The following C8orf34 variants were observed in gnomAD, a reference collection of about 807,000 sequenced individuals.
C8orf34 encodes the protein chromosome 8 open reading frame 34, also known as uncharacterized protein C8orf34.
C8orf34 carries 65 observed loss-of-function variants against 68.3 expected under a neutral mutation model. The ratio of observed to expected loss-of-function variants is 0.95; its 90% CI spans 0.78 to 1.17. The LOEUF is 1.17. Among genes scored for constraint, C8orf34 ranks in the 50% most tolerant of loss-of-function variants. The probability of loss-of-function intolerance (pLI) is 0.00; values close to 1 mark genes in which losing one functional copy is unlikely to be tolerated. For synonymous variants in C8orf34, 244 were observed against 241.2 expected, an observed-to-expected ratio of 1.01 and a Z score of -0.11; for missense variants, 664 against 655.4, an observed-to-expected ratio of 1.01 and a Z score of -0.14.
At chr8:68,794,086 G>C (rs1585893667) in intron 12 of C8orf34, among the ~76,000 whole-genome samples, 1 of 152,098 alleles carries the variant, frequency 6.6e-6, no homozygotes, top group African/African-American at 2.4e-5. Context: ...CATGCAGGTT[G>C]AGTATCTCTT....
intron 7 of C8orf34, chr8:68,625,483 T>C (rs892241088): frequency 1.7e-6 from 1 of 576,748 alleles, no homozygotes; most frequent in Non-Finnish European, 3.1e-6. Flanking sequence ...GAATTGAAAA[T>C]GGTCTTGTAA....
intron 5 of C8orf34, among the ~76,000 whole-genome samples, chr8:68,517,814 T>A (rs955891133): frequency 6.6e-6 from 1 of 152,220 alleles, no homozygotes; most frequent in African/African-American, 2.4e-5. Flanking sequence ...ACCATCTACT[T>A]TGAGCCTATA....
At chr8:68,657,578 A>G (rs62520963) in intron 8 of C8orf34, among the ~76,000 whole-genome samples, 20,876 of 152,242 alleles carry the variant, frequency 0.14, 2,180 homozygotes, top group East Asian at 0.53. Flanking sequence ...GCCTGAATGG[A>G]CTAAGACAGT....
intron 10 of C8orf34, among the ~76,000 whole-genome samples, chr8:68,752,414 C>T (rs1444192754): frequency 6.6e-6 from 1 of 152,196 alleles, no homozygotes; most frequent in African/African-American, 2.4e-5. Flanking sequence ...GGCGGTATGG[C>T]TCCCTGGCTG....
intron 12 of C8orf34, among the ~76,000 whole-genome samples, chr8:68,813,095 T>C (rs1376348732): frequency 6.6e-6 from 1 of 152,220 alleles, no homozygotes; most frequent in African/African-American, 2.4e-5. Context: ...ACTTGTAGCA[T>C]ATGGCGTTAT....
rs561179338 is a variant in C8orf34 at position 68,632,844 on chromosome 8, C to T, written c.1106-7532C>T. On this transcript the variant is annotated intron_variant, in intron 7 of 13. Coordinates refer to ENST00000518698, the MANE Select transcript of C8orf34 (RefSeq NM_052958.4). ...GTTGGGCCTGCTGCTGTGCAAAAGA[C>T]GAGAGTTCAGCTTTGGGAGCCTCCA... Among the ~76,000 whole-genome samples the T allele has an allele frequency of 2.2e-4, 34 of 152,234 alleles. No homozygotes were observed. The South Asian group carries it at 3.3e-3, about 15-fold the overall frequency.
rs1000881757 is a variant in C8orf34, at chr8:68,460,543, C to A, written c.608-8149C>A. On this transcript the variant is annotated intron_variant, in intron 3 of 13. Coordinates refer to ENST00000518698, the MANE Select transcript of C8orf34 (RefSeq NM_052958.4). ...AGCAGCCTAACTGGGAGGCACCCCCCAGTAGCGGCAGACTGACACCTCACA... is the reference window on the plus strand; with the variant it reads ...AGCAGCCTAACTGGGAGGCACCCCCAAGTAGCGGCAGACTGACACCTCACA... 2.6e-5 allele frequency among the ~76,000 whole-genome samples: 4 copies of A among 152,300 alleles called. No homozygotes were observed. The East Asian group carries it at 7.7e-4, about 29-fold the overall frequency.
intron 1 of C8orf34, among the ~76,000 whole-genome samples, chr8:68,337,975 T>C (rs927707246): frequency 1.3e-5 from 2 of 152,190 alleles, no homozygotes; most frequent in African/African-American, 4.8e-5. Flanking sequence ...AGAATTTCTT[T>C]ATTACAAATG....
chr8:68,641,309 C>T (rs535092251), intron 8 of C8orf34, among the ~76,000 whole-genome samples: 3 of 152,232 alleles, frequency 2.0e-5, no homozygotes, highest in African/African-American at 7.2e-5. Context: ...AAAATCAAAC[C>T]AGATTTTTGT....
At chr8:68,737,634 G>T (rs946150900) in intron 10 of C8orf34, among the ~76,000 whole-genome samples, 2 of 151,436 alleles carry the variant, frequency 1.3e-5, no homozygotes, top group African/African-American at 4.9e-5. Context: ...ACTTTCAGAC[G>T]AAACAAACTT....
intron 1 of C8orf34, among the ~76,000 whole-genome samples, chr8:68,362,705 A>G (rs1807060099): frequency 6.6e-6 from 1 of 152,144 alleles, no homozygotes; most frequent in South Asian, 2.1e-4. Context: ...AAGGAAAACT[A>G]ACAAACAGAA....
Position 68,454,062 on chromosome 8 carries a change from TATG to T in C8orf34, c.607+7606_607+7608del. 3.9e-5 allele frequency among the ~76,000 whole-genome samples: 6 copies of T among 152,168 alleles called. 1 individual carries two copies. Among genetic ancestry groups the T allele is most frequent in the Admixed American group, 3.9e-4 (6 of 15,288 alleles). ...GCAGTTTTTCTTATCATTCCGTTAATATGATGTGTTACATTTTATAATTTTCTT... is the reference window on the plus strand; with the variant it reads ...GCAGTTTTTCTTATCATTCCGTTAATATGTGTTACATTTTATAATTTTCTT... On this transcript the variant is annotated intron_variant, in intron 3 of 13. Transcript: ENST00000518698.
chr8:68,633,211 C>T (rs1287169118), intron 7 of C8orf34, among the ~76,000 whole-genome samples: 6 of 152,020 alleles, frequency 3.9e-5, no homozygotes, highest in African/African-American at 7.3e-5. Flanking sequence ...ACTTATGTGA[C>T]GAACTAGATA....
At chr8:68,620,459 G>A (rs1422810885) in intron 7 of C8orf34, among the ~76,000 whole-genome samples, 1 of 152,126 alleles carries the variant, frequency 6.6e-6, no homozygotes, top group Non-Finnish European at 1.5e-5. Context: ...GAGAAGAGCT[G>A]TATTACCAGA....
intron 11 of C8orf34, 58 bp from the exon 12 acceptor site, chr8:68,787,385 A>T (rs7826534): frequency 0.1 from 121,285 of 1,191,806 alleles, 8,741 homozygotes; most frequent in East Asian, 0.38. Context: ...GATTATCCAC[A>T]TTAATGTTCA....
chr8:68,728,834 T>C lies in C8orf34; in HGVS notation c.1404+7397T>C, dbSNP rs539519334. The stretch of plus-strand genomic sequence containing the variant: ...GTTTTGTTGATTAGTATATGCAACA[T>C]TCTGTTTATTGTTGCTGTAGGAACA... On this transcript the variant is annotated intron_variant, in intron 10 of 13. Transcript: ENST00000518698. Among the ~76,000 whole-genome samples, 19 of 152,304 alleles carry C rather than the reference T, an allele frequency of 1.2e-4. No individual in the cohort carries two copies. The South Asian group carries it at 3.9e-3, about 32-fold the overall frequency.
intron 10 of C8orf34, 45 bp from the exon 11 acceptor site, chr8:68,776,354 C>T (rs1211488484): frequency 2.1e-6 from 3 of 1,445,356 alleles, no homozygotes; most frequent in Non-Finnish European, 2.9e-6. Flanking sequence ...TTCTTTTTCT[C>T]TCCTTCTCCT....
chr8:68,503,774 T>C (rs1031336204), intron 5 of C8orf34, among the ~76,000 whole-genome samples: 1 of 151,498 alleles, frequency 6.6e-6, no homozygotes, highest in African/African-American at 2.4e-5. Flanking sequence ...TTCATAGACA[T>C]GGAATAAACG....
chr8:68,555,427 C>T (rs1040417361), intron 7 of C8orf34, among the ~76,000 whole-genome samples: 2 of 152,060 alleles, frequency 1.3e-5, no homozygotes, highest in Non-Finnish European at 2.9e-5. Context: ...TGGTGAGATT[C>T]ATGCATTCTA....
Sources: allele counts gnomAD v4.1 joint callset (sites outside exome capture counted in the v4.1 genomes callset), GRCh38; gene constraint gnomAD v4.1.1; transcripts MANE v1.5; gene names NCBI Gene and HGNC (gene_info 2026-07-23, HGNC 2026-07-21).